USP6NL: variants seen among roughly 807,000 people sequenced by gnomAD.
The protein encoded by USP6NL is USP6 N-terminal-like protein.
In USP6NL, 26 loss-of-function variants were observed where a neutral mutation model predicts 61.9. The observed-to-expected ratio is 0.42, with a 90% confidence interval of 0.31 to 0.58. The LOEUF (loss-of-function observed/expected upper bound fraction) is 0.58, where lower values mean the gene tolerates loss of function less well. Among genes scored for constraint, USP6NL ranks in the 20% least tolerant of loss-of-function variants. The pLI, the probability that USP6NL is intolerant of heterozygous loss-of-function variation, is 0.16. For missense variants in USP6NL, 1,114 were observed against 1,034.3 expected, an observed-to-expected ratio of 1.08 and a Z score of -1.06; for synonymous variants, 432 against 390.1, an observed-to-expected ratio of 1.11 and a Z score of -1.27.
chr10:11,516,286 A>T (rs1476891567), intron 5 of USP6NL, among the ~76,000 whole-genome samples: 7 of 152,246 alleles, frequency 4.6e-5, no homozygotes, highest in Non-Finnish European at 1.0e-4. Flanking sequence ...CCGACTATGC[A>T]CTAGTGTACA....
At chr10:11,534,965 A>G (rs898263531) in intron 2 of USP6NL, among the ~76,000 whole-genome samples, 2 of 152,164 alleles carry the variant, frequency 1.3e-5, no homozygotes, top group Non-Finnish European at 2.9e-5. Context: ...TATTCTCCAC[A>G]CTATTCAAGA....
intron 7 of USP6NL, 44 bp from the exon 8 acceptor site, chr10:11,493,272 A>G (rs1833778544): frequency 6.7e-7 from 1 of 1,502,724 alleles, no homozygotes; most frequent in Non-Finnish European, 9.1e-7. Context: ...TATGGAAATT[A>G]GTTGTTGAAA....
intron 2 of USP6NL, among the ~76,000 whole-genome samples, chr10:11,566,745 C>T (rs932592066): frequency 2.6e-5 from 4 of 152,316 alleles, no homozygotes; most frequent in Middle Eastern, 6.8e-3. Flanking sequence ...TACTGGCTAC[C>T]ATGCTGGAGA....
intron 2 of USP6NL, among the ~76,000 whole-genome samples, chr10:11,580,790 G>T (rs1331573651): frequency 2.6e-5 from 4 of 152,048 alleles, no homozygotes; most frequent in Non-Finnish European, 5.9e-5. Flanking sequence ...AACATGAAAG[G>T]TATAAAATAT....
intron 1 of USP6NL, among the ~76,000 whole-genome samples, chr10:11,610,649 A>C (rs1588431366): frequency 6.7e-6 from 1 of 149,370 alleles, no homozygotes; most frequent in African/African-American, 2.5e-5. Context: ...TTCGTCTCGC[A>C]CTATTTCCAA....
In USP6NL at chr10:11,465,861, T is replaced by C. The variant is rs1442185552; in HGVS notation, c.1079-2012A>G. The stretch of plus-strand genomic sequence containing the variant: ...TTAAATAAATTTTAGGGACTGCCTT[T>C]TTCTGTTAGCAAAAAGTCACCTACT... On this transcript the variant is annotated intron_variant, in intron 14 of 14. Transcript: ENST00000609104. This position sits in a 1 kb window ranked among gnomAD's most constrained non-coding sequence, Gnocchi z 4.5. 6.6e-6 allele frequency among the ~76,000 whole-genome samples: 1 copy of C among 152,210 alleles called. No individual in the cohort carries two copies. The highest frequency in any genetic ancestry group is 1.5e-5 in the Non-Finnish European group (1 of 68,030).
chr10:11,605,741 A>C (rs1198892142), intron 1 of USP6NL, among the ~76,000 whole-genome samples: 1 of 152,218 alleles, frequency 6.6e-6, no homozygotes, highest in Non-Finnish European at 1.5e-5. Context: ...CAGGGAATAC[A>C]GATTAAAACC....
chr10:11,523,546 T>C (rs1012735434), intron 4 of USP6NL, among the ~76,000 whole-genome samples: 1 of 152,232 alleles, frequency 6.6e-6, no homozygotes, highest in African/African-American at 2.4e-5. Context: ...AAGGGTGTGT[T>C]TAAATGTTAA....
At chr10:11,567,180 T>C (rs945287569) in intron 2 of USP6NL, among the ~76,000 whole-genome samples, 2 of 152,264 alleles carry the variant, frequency 1.3e-5, no homozygotes, top group African/African-American at 2.4e-5. Flanking sequence ...AATTTCATTC[T>C]TTAAATTTCA....
At chr10:11,556,695 C>A (rs534324153) in intron 2 of USP6NL, among the ~76,000 whole-genome samples, 1 of 152,042 alleles carries the variant, frequency 6.6e-6, no homozygotes, top group South Asian at 2.1e-4. Context: ...CATTTTATTG[C>A]AACAAAACAA....
intron 2 of USP6NL, among the ~76,000 whole-genome samples, chr10:11,546,641 C>T (rs912707727): frequency 8.5e-5 from 13 of 152,240 alleles, no homozygotes; most frequent in African/African-American, 1.2e-4. Flanking sequence ...TGGTCTCAAA[C>T]GCCTGACCTC....
At chr10:11,565,727 G>C (rs1837122843) in intron 2 of USP6NL, 1 of 152,144 alleles carries the variant, frequency 6.6e-6, no homozygotes, top group Non-Finnish European at 1.5e-5. Context: ...GCAAACTGCA[G>C]TGATCACAGC....
At chr10:11,469,195 G>A (rs1832616632) in intron 14 of USP6NL, among the ~76,000 whole-genome samples, 1 of 152,192 alleles carries the variant, frequency 6.6e-6, no homozygotes, top group Non-Finnish European at 1.5e-5. Context: ...GCATCTTAAA[G>A]TTCTTTCATG....
intron 5 of USP6NL, among the ~76,000 whole-genome samples, chr10:11,514,080 G>A (rs1199020784): frequency 6.6e-6 from 1 of 152,158 alleles, no homozygotes; most frequent in African/African-American, 2.4e-5. Flanking sequence ...ATTCAGTAAA[G>A]GTTAGTATTT....
rs531073081 is a variant in USP6NL at position 11,587,665 on chromosome 10, C to T, written c.4+9966G>A. Among the ~76,000 whole-genome samples, 123 of 152,164 alleles carry T rather than the reference C, an allele frequency of 8.1e-4. 1 individual carries two copies. The highest frequency in any genetic ancestry group is 2.8e-3 in the African/African-American group (118 of 41,506). On this transcript the variant is annotated intron_variant, in intron 2 of 14. Coordinates refer to ENST00000609104, the MANE Select transcript of USP6NL (RefSeq NM_014688.5). This position sits in a 1 kb window ranked among gnomAD's most constrained non-coding sequence, Gnocchi z 4.5. The stretch of plus-strand genomic sequence containing the variant: ...GCTGTTTTATTATTATAAAATAATT[C>T]GATTCAATACTGCTATACTTTATAC...
Position 11,521,669 on chromosome 10 carries a change from C to T in USP6NL, c.156-3095G>A, listed in dbSNP as rs974121532. 5.9e-5 allele frequency among the ~76,000 whole-genome samples: 9 copies of T among 152,220 alleles called. No homozygotes were observed. The East Asian group carries it at 7.7e-4, about 13-fold the overall frequency. On this transcript the variant is annotated intron_variant, in intron 4 of 14. Coordinates refer to ENST00000609104, the MANE Select transcript of USP6NL (RefSeq NM_014688.5). ...TGCTGGGATTACAGGCGTAAGCCAC[C>T]GCGCCCGGCCAATGATACTCTTTAA... is the stretch of plus-strand genomic sequence containing the variant.
At chr10:11,477,054 T>G (rs1832998856) in intron 14 of USP6NL, among the ~76,000 whole-genome samples, 1 of 152,116 alleles carries the variant, frequency 6.6e-6, no homozygotes, top group Admixed American at 6.5e-5. Flanking sequence ...TTATTTTTAG[T>G]AGAGACAGGG....
At chr10:11,599,786 A>G (rs1838453791) in intron 1 of USP6NL, among the ~76,000 whole-genome samples, 1 of 144,498 alleles carries the variant, frequency 6.9e-6, no homozygotes, top group Non-Finnish European at 1.5e-5. Flanking sequence ...GTTGGAGTGC[A>G]GTAGCTGGGA....
chr10:11,571,695 C>A (rs1230762364), intron 2 of USP6NL, among the ~76,000 whole-genome samples: 2 of 149,164 alleles, frequency 1.3e-5, no homozygotes, highest in African/African-American at 2.5e-5. Flanking sequence ...TTATATTTGT[C>A]CATATGACTT....
Sources: allele counts gnomAD v4.1 joint callset (sites outside exome capture counted in the v4.1 genomes callset), GRCh38; gene constraint gnomAD v4.1.1; non-coding constraint Gnocchi (gnomAD v3.1); transcripts MANE v1.5; gene names NCBI Gene and HGNC (gene_info 2026-07-23, HGNC 2026-07-21).